Variants in NTMT1 observed in about 807,000 individuals in gnomAD.
NTMT1 encodes N-terminal Xaa-Pro-Lys N-methyltransferase 1.
A neutral mutation model predicts 17.5 loss-of-function variants in NTMT1; 8 were observed. The observed-to-expected ratio is 0.46, with a 90% CI of 0.27 to 0.82. NTMT1 has a LOEUF of 0.82. NTMT1 is among the 40% of genes least tolerant of loss of function. The pLI is 0.15. For synonymous variants in NTMT1, 128 were observed against 126.8 expected (o/e 1.01, Z -0.06); for missense variants, 221 against 303.5 (o/e 0.73, Z 2.02).
upstream of NTMT1, among the ~76,000 whole-genome samples, chr9:129,625,714 T>A (rs560258306): frequency 6.5e-4 from 99 of 151,938 alleles, no homozygotes; most frequent in African/African-American, 2.2e-3. Context: ...TTTTTTTTTT[T>A]AAAGAAGTCA....
intron 1 of NTMT1, among the ~76,000 whole-genome samples, chr9:129,611,734 G>A (rs1220701): frequency 0.2 from 29,940 of 151,780 alleles, 3,363 homozygotes; most frequent in East Asian, 0.32. Context: ...AAGTTTTTTG[G>A]GTTTCGTTGT....
rs997969513 is a variant in NTMT1 at position 129,613,037 on chromosome 9, C to T, written c.-55+3859C>T. 1.2e-5 allele frequency: 19 copies of T among 1,591,768 alleles called. No individual in the cohort carries two copies. The highest frequency in any genetic ancestry group is 1.6e-5 in the Non-Finnish European group (19 of 1,170,890). On this transcript the variant is annotated intron_variant, in intron 1 of 3. Coordinates refer to the NTMT1 transcript ENST00000372486. The surrounding 1 kb of genome is among the most constrained non-coding windows in gnomAD (Gnocchi z 6.2). ...GCCCCAGCCACTCCACCAAACAGGG[C>T]TGCTCCCGGAGCCAGCTGCCAGCAG...
chr9:129,610,154 G>A lies in NTMT1; in HGVS notation c.-55+976G>A, dbSNP rs569975248. Reference sequence around the variant, plus strand: ...CAGGGAGCGGACAGGAGCGCTGCGGGATCCCGGGGCCTTGCGGGCCGAGCC... The same window carrying A: ...CAGGGAGCGGACAGGAGCGCTGCGGAATCCCGGGGCCTTGCGGGCCGAGCC... On this transcript the variant is annotated intron_variant, in intron 1 of 3. Transcript: ENST00000372486. Among the ~76,000 whole-genome samples the A allele has an allele frequency of 1.3e-4, 19 of 145,764 alleles. No homozygotes were observed. In the South Asian group the frequency reaches 3.8e-3, roughly 29 times the overall value.
intron 1 of NTMT1, 25 bp from the exon 2 acceptor site, chr9:129,632,625 G>C: frequency 6.4e-7 from 1 of 1,562,804 alleles, no homozygotes; most frequent in Non-Finnish European, 8.7e-7. Flanking sequence ...CTGGCCCGCT[G>C]ACTCACGCCC....
chr9:129,613,306 A>G lies in NTMT1; in HGVS notation c.-55+4128A>G, dbSNP rs1830176875. 1.3e-6 allele frequency: 2 copies of G among 1,567,630 alleles called. No individual in the cohort carries two copies. Among genetic ancestry groups the G allele is most frequent in the African/African-American group, 1.4e-5 (1 of 73,654 alleles). ...TGGACTCTGAGTCCCCGGCCCACCCATGGCTGGCAGGGCCCTTGAGGACCC... is the reference window on the plus strand; with the variant it reads ...TGGACTCTGAGTCCCCGGCCCACCCGTGGCTGGCAGGGCCCTTGAGGACCC... On this transcript the variant is annotated intron_variant, in intron 1 of 3. Transcript: ENST00000372486. The surrounding 1 kb of genome is among the most constrained non-coding windows in gnomAD (Gnocchi z 6.2).
Position 129,634,260 on chromosome 9 carries a change from C to T in NTMT1, c.369C>T (p.Thr123=), listed in dbSNP as rs545517019. 1.7e-5 allele frequency: 27 copies of T among 1,613,420 alleles called. No homozygotes were observed. The East Asian group carries it at 3.8e-4, about 23-fold the overall frequency. The change falls in exon 3 of 4, where the codon ACC becomes ACT. Residue 123 remains threonine (T), a synonymous_variant. Coordinates refer to ENST00000372483, the MANE Select transcript of NTMT1 (RefSeq NM_014064.4). ...NYFCCGLQDF[T]PEPDSYDVIW... Reference sequence around the variant, plus strand: ...TCTGTTGTGGGCTCCAGGACTTCACCCCGGAGCCGGACTCTTACGACGTGA... The same window carrying T: ...TCTGTTGTGGGCTCCAGGACTTCACTCCGGAGCCGGACTCTTACGACGTGA...
intron 1 of NTMT1, among the ~76,000 whole-genome samples, chr9:129,615,169 G>C (rs78418238): frequency 6.6e-6 from 1 of 152,236 alleles, no homozygotes; most frequent in Admixed American, 6.5e-5. Flanking sequence ...AGGGGAGCAA[G>C]TGTGGGCTCT....
chr9:129,611,759 T>C (rs1395489409), intron 1 of NTMT1, among the ~76,000 whole-genome samples: 1 of 152,026 alleles, frequency 6.6e-6, no homozygotes, highest in Non-Finnish European at 1.5e-5. Flanking sequence ...GTTGTTTGTT[T>C]GCTTGTTTTT....
At position 129,626,445 on chromosome 9, in the gene NTMT1, G is replaced by A. The variant is rs996773932; in HGVS notation, c.-55+150G>A. ...GCGGGCCGGCACAGGCCTCACGTGC[G>A]CGTCCCCAAGAGGTCTACGGGCCGG... On this transcript the variant is annotated intron_variant, in intron 1 of 3. Coordinates refer to ENST00000372483, the MANE Select transcript of NTMT1 (RefSeq NM_014064.4). The A allele has an allele frequency of 4.6e-5, 7 of 152,276 alleles. No homozygotes were observed. In the East Asian group the frequency reaches 1.3e-3, roughly 29 times the overall value. The allele number at this position is 152,276 out of a possible 1,614,324, so 9.4% of individuals were successfully genotyped here.
Position 129,613,312 on chromosome 9 carries a change from G to C in NTMT1, c.-55+4134G>C, listed in dbSNP as rs1423880838. The C allele has an allele frequency of 6.4e-7, 1 of 1,566,120 alleles. No individual in the cohort carries two copies. The highest frequency in any genetic ancestry group is 8.7e-7 in the Non-Finnish European group (1 of 1,154,958). ...CTGAGTCCCCGGCCCACCCATGGCT[G>C]GCAGGGCCCTTGAGGACCCACACTG... On this transcript the variant is annotated intron_variant, in intron 1 of 3. Transcript: ENST00000372486. The surrounding 1 kb of genome is among the most constrained non-coding windows in gnomAD (Gnocchi z 6.2).
rs770533767 is a variant in NTMT1, at chr9:129,635,298, TG to T, written c.508del (p.Ala170ProfsTer5). 1 of 1,613,814 alleles carries T rather than the reference TG, an allele frequency of 6.2e-7. No homozygotes were observed. Among genetic ancestry groups the T allele is most frequent in the South Asian group, 1.1e-5 (1 of 91,090 alleles). ...PNGIIVIKDNMAQEGVILDDV... is the reference protein window; with the variant it reads ...PNGIIVIKDNXAQEGVILDDV... ...GGCATCATCGTCATCAAAGACAACA[TG>T]GCCCAGGAGGGCGTGATTCTGGACG... On this transcript the variant is annotated frameshift_variant, in exon 4 of 4. Transcript: ENST00000372483. LOFTEE classifies it high-confidence loss of function.
chr9:129,622,177 T>G (rs1033462582), upstream of NTMT1, among the ~76,000 whole-genome samples: 3 of 152,048 alleles, frequency 2.0e-5, no homozygotes, highest in Non-Finnish European at 4.4e-5. Flanking sequence ...GACCAGGCAG[T>G]CAGAATACAA....
chr9:129,628,178 G>T (rs1830985965), intron 1 of NTMT1, among the ~76,000 whole-genome samples: 1 of 152,220 alleles, frequency 6.6e-6, no homozygotes, highest in Non-Finnish European at 1.5e-5. Flanking sequence ...ACCACCTGCT[G>T]TTGGCTGACT....
At position 129,613,376 on chromosome 9, in the gene NTMT1, AG is replaced by A. The variant is rs1316044331; in HGVS notation, c.-55+4204del. On this transcript the variant is annotated intron_variant, in intron 1 of 3. Coordinates refer to the NTMT1 transcript ENST00000372486. This position sits in a 1 kb window ranked among gnomAD's most constrained non-coding sequence, Gnocchi z 6.2. ...TGCTGGGTGGGGAGGTCTGTAGGCA[AG>A]GGGGGTGGAGGGCCCTGGCAATGTC... 2.2e-5 allele frequency: 35 copies of A among 1,595,134 alleles called. No homozygotes were observed. The highest frequency in any genetic ancestry group is 2.7e-5 in the African/African-American group (2 of 74,398).
rs532622164 is a variant in NTMT1 at position 129,634,452 on chromosome 9, G to A, written c.415+146G>A. 7.0e-4 allele frequency: 489 copies of A among 694,626 alleles called. 7 individuals carry two copies. In the South Asian group the frequency reaches 9.8e-3, roughly 14 times the overall value. 43.0% of individuals were successfully genotyped at this position (694,626 alleles called of 1,614,324 possible). On this transcript the variant is annotated intron_variant, in intron 3 of 3. Transcript: ENST00000372483. ...CCCCGCCCAGGCCCACCCCCACCCC[G>A]TACTTCCCAGGACTGAGGGACAGGC...
chr9:129,626,258 C>G lies in NTMT1; in HGVS notation c.-92C>G, dbSNP rs538622947. On this transcript the variant is annotated 5_prime_UTR_variant, in exon 1 of 4. Coordinates refer to ENST00000372483, the MANE Select transcript of NTMT1 (RefSeq NM_014064.4). ...CGCCGCCGCCCTCCCTTCCTCTTCC[C>G]CATCTTCTTCTCTCGGTCCCGGGAG... 1,170 of 152,354 alleles carry G rather than the reference C, an allele frequency of 7.7e-3. 8 individuals are homozygous for G. Among genetic ancestry groups the G allele is most frequent in the South Asian group, 0.013 (65 of 4,838 alleles). The allele number at this position is 152,354 out of a possible 1,614,324, so 9.4% of individuals were successfully genotyped here.
chr9:129,630,587 T>A (rs2118945935), intron 1 of NTMT1, among the ~76,000 whole-genome samples: 1 of 152,308 alleles, frequency 6.6e-6, no homozygotes, highest in South Asian at 2.1e-4. Context: ...TCCTGGGTCT[T>A]AAGCTTTGAG....
At chr9:129,615,638 G>T (rs1438593785) in intron 1 of NTMT1, 2 of 1,565,206 alleles carry the variant, frequency 1.3e-6, no homozygotes, top group Admixed American at 3.7e-5. Flanking sequence ...CCTGTGCACC[G>T]TGGGGCCTGC....
chr9:129,623,637 C>T (rs1830805322), upstream of NTMT1, among the ~76,000 whole-genome samples: 1 of 152,088 alleles, frequency 6.6e-6, no homozygotes, highest in Non-Finnish European at 1.5e-5. Flanking sequence ...CACTAGAGAA[C>T]GCGTCGCCAA....
Sources: gnomAD v4.1 joint callset for allele counts (sites outside exome capture counted in the v4.1 genomes callset) on GRCh38, gnomAD v4.1.1 for gene constraint, Gnocchi (gnomAD v3.1) non-coding constraint, MANE v1.5 for transcripts, NCBI Gene and HGNC (gene_info 2026-07-23, HGNC 2026-07-21) for gene names.